Variants in TBCD observed in about 807,000 individuals in gnomAD.
TBCD encodes tubulin-specific chaperone D.
TBCD carries 105 observed loss-of-function variants against 169.3 expected under a neutral mutation model. The observed-to-expected ratio is 0.62, with a 90% CI of 0.53 to 0.73. TBCD has a LOEUF of 0.73. Among genes scored for constraint, TBCD ranks in the 30% least tolerant of loss-of-function variants. The probability of loss-of-function intolerance (pLI) is 0.00; values close to 1 mark genes in which losing one functional copy is unlikely to be tolerated. For missense variants in TBCD, 1,444 were observed against 1,600.1 expected, an observed-to-expected ratio of 0.90 and a Z score of 1.66; for synonymous variants, 700 against 643.9, an observed-to-expected ratio of 1.09 and a Z score of -1.32.
chr17:82,871,930 C>T (rs866753920), intron 14 of TBCD, among the ~76,000 whole-genome samples: 2 of 145,066 alleles, frequency 1.4e-5, no homozygotes, highest in Middle Eastern at 3.4e-3. Flanking sequence ...GTGAGGCACA[C>T]GCTGGTAAGC....
chr17:82,828,237 C>T (rs1037422322), intron 13 of TBCD, among the ~76,000 whole-genome samples: 1 of 120,728 alleles, frequency 8.3e-6, no homozygotes, highest in Non-Finnish European at 1.7e-5. Context: ...ATGCGCCCCC[C>T]ACAGATATGC....
chr17:82,891,413 C>T (rs1216152702), intron 16 of TBCD, among the ~76,000 whole-genome samples: 3 of 152,192 alleles, frequency 2.0e-5, no homozygotes, highest in South Asian at 4.1e-4. Flanking sequence ...AGCATGCGGA[C>T]GGCAGCGGGA....
At chr17:82,797,073 C>T (rs533605343) in intron 7 of TBCD, among the ~76,000 whole-genome samples, 9 of 152,270 alleles carry the variant, frequency 5.9e-5, no homozygotes, top group Non-Finnish European at 1.2e-4. Context: ...TAGGATTCTT[C>T]GATTATGAGG....
intron 16 of TBCD, among the ~76,000 whole-genome samples, chr17:82,891,811 C>T (rs1277324877): frequency 1.3e-5 from 2 of 152,118 alleles, no homozygotes; most frequent in African/African-American, 2.4e-5. Flanking sequence ...TGTCCAGGTT[C>T]GTCTTGGCTG....
In TBCD at chr17:82,930,524, C is replaced by A. The variant is rs747027727; in HGVS notation, c.2994C>A (p.Ile998=). The A allele has an allele frequency of 5.0e-6, 8 of 1,612,854 alleles. No individual in the cohort carries two copies. The highest frequency in any genetic ancestry group is 6.8e-6 in the Non-Finnish European group (8 of 1,179,676). Residue 998 remains isoleucine (I), a splice_region_variant and synonymous_variant, in exon 33 of 39, where the codon ATC becomes ATA. Transcript: ENST00000355528. This position sits in a 1 kb window ranked among gnomAD's most constrained non-coding sequence, Gnocchi z 5.2. ...TCTGAGGTGTCTCCGTGTTGCAGAT[C>A]CGGCACTCCACCCAGAGCCTCTTTG... is the stretch of plus-strand genomic sequence containing the variant. ...VSLGGLTEST[I]RHSTQSLFEY... is the part of the protein sequence containing the mutation.
intron 2 of TBCD, among the ~76,000 whole-genome samples, chr17:82,763,612 G>T (rs1210865842): frequency 3.9e-5 from 6 of 152,062 alleles, no homozygotes; most frequent in Non-Finnish European, 7.4e-5. Flanking sequence ...GTGGTGACGC[G>T]TGCCTGTAAT....
chr17:82,766,367 A>AAGTG lies in TBCD; in HGVS notation c.435+4_435+7dup. On this transcript the variant is annotated frameshift_variant and splice_region_variant, in exon 4 of 39. Transcript: ENST00000355528. LOFTEE classifies it high-confidence loss of function. ...ACAATTCAGAATCCCAAGGACCATG[A>AAGTG]AGTGAGTGTCTCTGCCTCCCCCCTC... is the stretch of plus-strand genomic sequence containing the variant. 2 of 1,610,034 alleles carry AAGTG rather than the reference A, an allele frequency of 1.2e-6. No individual in the cohort carries two copies. The highest frequency in any genetic ancestry group is 2.2e-5 in the South Asian group (2 of 90,264).
intron 25 of TBCD, among the ~76,000 whole-genome samples, chr17:82,921,805 T>G (rs2061434832): frequency 6.6e-6 from 1 of 152,282 alleles, no homozygotes; most frequent in African/African-American, 2.4e-5. Context: ...AATTTTTTAT[T>G]GCTTCTGGCT....
At chr17:82,805,738 T>A in intron 9 of TBCD, 137 bp from the exon 10 acceptor site, 1 of 1,039,604 alleles carries the variant, frequency 9.6e-7, no homozygotes, top group Non-Finnish European at 1.4e-6. Flanking sequence ...GGTTCTCCCT[T>A]CTTATCCGGT....
rs2060012198 is a variant in TBCD, at chr17:82,903,282, T to C, written c.1731-123T>C. On this transcript the variant is annotated intron_variant, in intron 18 of 38. Coordinates refer to ENST00000355528, the MANE Select transcript of TBCD (RefSeq NM_005993.5). The surrounding 1 kb of genome is among the most constrained non-coding windows in gnomAD (Gnocchi z 4.8). ...GTACTGGTTCGTGTGAGTGAGTGAG[T>C]GAGCCTCTGCTAAGTGGCCGGTTGA... 6.0e-6 allele frequency: 5 copies of C among 837,644 alleles called. No homozygotes were observed. Among genetic ancestry groups the C allele is most frequent in the African/African-American group, 1.7e-5 (1 of 59,284 alleles). 51.9% of individuals were successfully genotyped at this position (837,644 alleles called of 1,614,324 possible).
intron 13 of TBCD, among the ~76,000 whole-genome samples, chr17:82,869,287 C>T (rs539873259): frequency 2.0e-5 from 3 of 152,314 alleles, no homozygotes; most frequent in South Asian, 2.1e-4. Flanking sequence ...ACTTACACCA[C>T]GTCCTAAAAT....
rs2057013862 is a variant in TBCD, at chr17:82,864,521, C to T, written c.1319-5703C>T. 1 of 152,360 alleles carries T rather than the reference C, an allele frequency of 6.6e-6. No individual in the cohort carries two copies. The allele number at this position is 152,360 out of a possible 1,614,324, so 9.4% of individuals were successfully genotyped here. A position where few individuals can be genotyped will look rare whatever the true frequency, so the allele number is the denominator to read the frequency against. ...CATACACCTGGCCTGGCCTGCGTGC[C>T]TCACGTGTGGTGGGGATTTGTGACT... On this transcript the variant is annotated intron_variant, in intron 13 of 38. Coordinates refer to ENST00000355528, the MANE Select transcript of TBCD (RefSeq NM_005993.5). This position sits in a 1 kb window ranked among gnomAD's most constrained non-coding sequence, Gnocchi z 6.3.
rs937962026 is a variant in TBCD, at chr17:82,922,980, A to G, written c.2179-672A>G. 1.3e-5 allele frequency among the ~76,000 whole-genome samples: 2 copies of G among 152,076 alleles called. No homozygotes were observed. The highest frequency in any genetic ancestry group is 6.5e-5 in the Admixed American group (1 of 15,272). The stretch of plus-strand genomic sequence containing the variant: ...CTGCCCGCTCCTGCTCTGTGCAGCA[A>G]TTGCCGTCCCTCCCACCACGGTTCC... On this transcript the variant is annotated intron_variant, in intron 25 of 38. Transcript: ENST00000355528. The surrounding 1 kb of genome is among the most constrained non-coding windows in gnomAD (Gnocchi z 4.1).
chr17:82,790,718 C>T (rs892473467), intron 7 of TBCD, among the ~76,000 whole-genome samples: 4 of 152,200 alleles, frequency 2.6e-5, no homozygotes, highest in Non-Finnish European at 5.9e-5. Flanking sequence ...TCTGCCCGTT[C>T]TTCCTTCCTT....
At chr17:82,764,248 C>A (rs78221011) in intron 3 of TBCD, among the ~76,000 whole-genome samples, 186 bp downstream of exon 3, 1 of 152,330 alleles carries the variant, frequency 6.6e-6, no homozygotes, top group South Asian at 2.1e-4. Flanking sequence ...TTGGCTGAAA[C>A]AGTGTCAGGA....
At chr17:82,939,540 C>G (rs1388010345) in intron 37 of TBCD, 64 bp downstream of exon 37, 2 of 1,274,846 alleles carry the variant, frequency 1.6e-6, no homozygotes, top group African/African-American at 2.9e-5. Context: ...CTGTCCCCAC[C>G]GTGTCTACTC....
chr17:82,892,187 A>C (rs1032900509), intron 16 of TBCD, among the ~76,000 whole-genome samples: 29 of 151,600 alleles, frequency 1.9e-4, no homozygotes, highest in African/African-American at 6.5e-4. Context: ...TGCTGGACAC[A>C]GAGTCCCCTT....
At chr17:82,919,617 G>T (rs1212044557) in intron 23 of TBCD, among the ~76,000 whole-genome samples, 5 of 152,076 alleles carry the variant, frequency 3.3e-5, no homozygotes, top group African/African-American at 9.7e-5. Flanking sequence ...CACCTCGGAG[G>T]CATGGAAGTA....
rs987167069 is a variant in TBCD, at chr17:82,889,090, G to A, written c.1534-578G>A. 1.3e-5 allele frequency among the ~76,000 whole-genome samples: 2 copies of A among 152,200 alleles called. No individual in the cohort carries two copies. The highest frequency in any genetic ancestry group is 2.9e-5 in the Non-Finnish European group (2 of 68,036). ...GTAACCTGCTCTGCCTGGTCGGTGC[G>A]CCTAAGGGGGGCAGGGTGTTTGGGG... On this transcript the variant is annotated intron_variant, in intron 15 of 38. Coordinates refer to ENST00000355528, the MANE Select transcript of TBCD (RefSeq NM_005993.5). The surrounding 1 kb of genome is among the most constrained non-coding windows in gnomAD (Gnocchi z 5.3).
Sources: gnomAD v4.1 joint callset for allele counts (sites outside exome capture counted in the v4.1 genomes callset) on GRCh38, gnomAD v4.1.1 for gene constraint, Gnocchi (gnomAD v3.1) non-coding constraint, MANE v1.5 for transcripts, NCBI Gene and HGNC (gene_info 2026-07-23, HGNC 2026-07-21) for gene names.